Variants in NETO2 observed in about 807,000 individuals in gnomAD.
NETO2 encodes the protein neuropilin and tolloid like 2.
In NETO2, 28 loss-of-function variants were observed where a neutral mutation model predicts 62.5. That is an observed-to-expected ratio of 0.45 (90% CI 0.33 to 0.61). The LOEUF is 0.61. Among genes scored for constraint, NETO2 ranks in the 20% least tolerant of loss-of-function variants. NETO2 has a pLI of 0.02. For missense variants in NETO2, 548 were observed against 643.2 expected (o/e 0.85, Z 1.60); for synonymous variants, 214 against 219.1 (o/e 0.98, Z 0.21).
chr16:47,121,907 T>C (rs1964048028), intron 6 of NETO2, among the ~76,000 whole-genome samples: 1 of 152,240 alleles, frequency 6.6e-6, no homozygotes, highest in Non-Finnish European at 1.5e-5. Flanking sequence ...TTATTTGTCA[T>C]ATTTTACCCA....
intron 2 of NETO2, among the ~76,000 whole-genome samples, chr16:47,129,914 C>A (rs1964231215): frequency 6.6e-6 from 1 of 152,092 alleles, no homozygotes; most frequent in Middle Eastern, 3.2e-3. Context: ...CTGGCAGTAC[C>A]AGGAAGTGGG....
intron 4 of NETO2, among the ~76,000 whole-genome samples, chr16:47,127,267 T>A (rs984039529): frequency 6.6e-6 from 1 of 152,198 alleles, no homozygotes; most frequent in African/African-American, 2.4e-5. Context: ...GCATTAGGGA[T>A]ATGTACACGC....
intron 4 of NETO2, among the ~76,000 whole-genome samples, chr16:47,126,083 G>T (rs1964152057): frequency 6.6e-6 from 1 of 152,024 alleles, no homozygotes; most frequent in African/African-American, 2.4e-5. Context: ...AGTCATATTT[G>T]TGCTTTTGCG....
At chr16:47,141,054 G>C (rs1596756086) in intron 1 of NETO2, among the ~76,000 whole-genome samples, 1 of 152,300 alleles carries the variant, frequency 6.6e-6, no homozygotes, top group East Asian at 1.9e-4. Flanking sequence ...GAATTTTTTA[G>C]TTTCAACAAC....
rs1963107351 is a variant in NETO2 at position 47,083,266 on chromosome 16, C to T, written c.1533G>A (p.Arg511=). ...MEEIPCEIYV[R]GREDSAQASI... The stretch of plus-strand genomic sequence containing the variant: ...ATGCTTGTGCAGAATCTTCTCGCCC[C>T]CTGACATAAATTTCACAGGGAATCT... Residue 511 remains arginine (R), a synonymous_variant, in exon 9 of 9, where the codon AGG becomes AGA. Transcript: ENST00000562435. 3.1e-6 allele frequency: 5 copies of T among 1,613,764 alleles called. No homozygotes were observed. The highest frequency in any genetic ancestry group is 8.5e-7 in the Non-Finnish European group (1 of 1,179,812).
intron 4 of NETO2, among the ~76,000 whole-genome samples, chr16:47,126,635 T>C (rs1415521686): frequency 6.6e-6 from 1 of 152,162 alleles, no homozygotes; most frequent in Admixed American, 6.5e-5. Flanking sequence ...CTTTGGGTGA[T>C]AATGATGCAT....
At chr16:47,085,026 T>C (rs1292803244) in intron 8 of NETO2, among the ~76,000 whole-genome samples, 1 of 151,846 alleles carries the variant, frequency 6.6e-6, no homozygotes, top group Non-Finnish European at 1.5e-5. Flanking sequence ...ACCAAAAAGG[T>C]TGGGGACTGC....
intron 4 of NETO2, among the ~76,000 whole-genome samples, chr16:47,127,338 C>G (rs987455265): frequency 1.3e-5 from 2 of 152,258 alleles, no homozygotes; most frequent in Admixed American, 1.3e-4. Context: ...GCAGGTAACA[C>G]GGTGGAGCAG....
chr16:47,090,292 T>G (rs1963285642), intron 7 of NETO2, among the ~76,000 whole-genome samples: 1 of 152,214 alleles, frequency 6.6e-6, no homozygotes, highest in Admixed American at 6.5e-5. Flanking sequence ...TTGTCAGCTT[T>G]TGTTTCATAG....
chr16:47,109,426 T>C (rs1963741427), intron 7 of NETO2, 57 bp downstream of exon 7: 2 of 1,284,742 alleles, frequency 1.6e-6, no homozygotes, highest in Non-Finnish European at 1.1e-6. Flanking sequence ...CTGAGTGTAC[T>C]GTGAATGAGT....
intron 7 of NETO2, among the ~76,000 whole-genome samples, chr16:47,090,006 A>G (rs1053362614): frequency 6.6e-6 from 1 of 152,178 alleles, no homozygotes; most frequent in African/African-American, 2.4e-5. Context: ...CATTTTCAAG[A>G]CAGGCTGAAT....
intron 7 of NETO2, among the ~76,000 whole-genome samples, chr16:47,100,357 G>A (rs533253482): frequency 6.6e-6 from 1 of 152,248 alleles, no homozygotes; most frequent in Admixed American, 6.5e-5. Context: ...GAGAAGGTGG[G>A]AAAGATCTAA....
intron 4 of NETO2, among the ~76,000 whole-genome samples, chr16:47,127,947 A>T (rs957596885): frequency 3.3e-5 from 5 of 152,254 alleles, no homozygotes; most frequent in African/African-American, 9.6e-5. Flanking sequence ...TAATTCTAAC[A>T]GCTAAATGAG....
At chr16:47,092,019 G>GT in intron 7 of NETO2, among the ~76,000 whole-genome samples, 1 of 144,320 alleles carries the variant, frequency 6.9e-6, no homozygotes, top group East Asian at 2.0e-4. Context: ...ATTTAAAACT[G>GT]TTTTGGTTTT....
At position 47,109,592 on chromosome 16, in the gene NETO2, A is replaced by T; in HGVS notation, c.774T>A (p.Thr258=). 1 of 1,614,086 alleles carries T rather than the reference A, an allele frequency of 6.2e-7. No individual in the cohort carries two copies. Among genetic ancestry groups the T allele is most frequent in the Non-Finnish European group, 8.5e-7 (1 of 1,179,956 alleles). ...IENLKAKFCS[T]VANDVMLKTG... ...TTTTAAGCATTACATCATTGGCCAC[A>T]GTGCTGCAAAACTTGGCCTTCAGGT... Residue 258 remains threonine (T), a synonymous_variant, in exon 7 of 9, where the codon ACT becomes ACA. Coordinates refer to ENST00000562435, the MANE Select transcript of NETO2 (RefSeq NM_018092.5).
intron 1 of NETO2, among the ~76,000 whole-genome samples, chr16:47,140,488 T>C (rs1964440121): frequency 1.3e-5 from 2 of 152,204 alleles, no homozygotes; most frequent in South Asian, 4.1e-4. Context: ...GGACTGAAAA[T>C]GGCTTTGATT....
At chr16:47,119,790 T>C (rs1964001075) in intron 6 of NETO2, among the ~76,000 whole-genome samples, 2 of 152,212 alleles carry the variant, frequency 1.3e-5, no homozygotes, top group Admixed American at 6.5e-5. Context: ...ATTATTATAT[T>C]TCCAAACATA....
rs1964497318 is a variant in NETO2, at chr16:47,143,090, G to A, written c.34+489C>T. On this transcript the variant is annotated intron_variant, in intron 1 of 8. Coordinates refer to ENST00000562435, the MANE Select transcript of NETO2 (RefSeq NM_018092.5). ...CCCAGCAGGCCCCGTTCCCCGCCGC[G>A]AGGTGCAGGCGCCGCGGGGCTATTC... Among the ~76,000 whole-genome samples, 6 of 152,138 alleles carry A rather than the reference G, an allele frequency of 3.9e-5. 1 individual carries two copies. The highest frequency in any genetic ancestry group is 3.9e-4 in the Admixed American group (6 of 15,290).
At chr16:47,130,937 C>T (rs1308913853) in intron 2 of NETO2, among the ~76,000 whole-genome samples, 1 of 151,104 alleles carries the variant, frequency 6.6e-6, no homozygotes, top group Admixed American at 6.6e-5. Context: ...GAAGTCTCAG[C>T]GAATGTGGAG....
Sources: allele counts gnomAD v4.1 joint callset (sites outside exome capture counted in the v4.1 genomes callset), GRCh38; gene constraint gnomAD v4.1.1; transcripts MANE v1.5; gene names NCBI Gene and HGNC (gene_info 2026-07-23, HGNC 2026-07-21).